HS2ST1: variants seen among roughly 807,000 people sequenced by gnomAD.
The protein encoded by HS2ST1 is 2-O-sulfotransferase.
HS2ST1 carries 18 observed loss-of-function variants against 42.9 expected under a neutral mutation model. That is an observed-to-expected ratio of 0.42 (90% confidence interval 0.29 to 0.62). HS2ST1 has a LOEUF of 0.62. HS2ST1 is among the 20% of genes least tolerant of loss of function. HS2ST1 has a pLI of 0.21. For synonymous variants in HS2ST1, 146 were observed against 152.9 expected (o/e 0.95, Z 0.33); for missense variants, 334 against 433.8 (o/e 0.77, Z 2.04).
At chr1:87,000,675 T>G in intron 1 of HS2ST1, among the ~76,000 whole-genome samples, 1 of 152,224 alleles carries the variant, frequency 6.6e-6, no homozygotes, top group East Asian at 1.9e-4. Context: ...CTTGTAAGAC[T>G]TTGCCCAGTT....
At chr1:86,917,404 A>G (rs1254274732) in intron 1 of HS2ST1, among the ~76,000 whole-genome samples, 2 of 152,050 alleles carry the variant, frequency 1.3e-5, no homozygotes, top group African/African-American at 4.8e-5. Flanking sequence ...CTGTAATCCC[A>G]CCTACTCAGG....
chr1:87,013,132 T>G (rs1460782077), intron 1 of HS2ST1, among the ~76,000 whole-genome samples: 1 of 152,194 alleles, frequency 6.6e-6, no homozygotes, highest in African/African-American at 2.4e-5. Context: ...ACAGCTCCAG[T>G]AGGTAGTTCC....
At chr1:86,990,591 C>T (rs1307121353) in intron 1 of HS2ST1, among the ~76,000 whole-genome samples, 7 of 151,512 alleles carry the variant, frequency 4.6e-5, no homozygotes, top group Non-Finnish European at 1.0e-4. Context: ...TTGACCCAGT[C>T]AGATATTTAA....
At chr1:87,081,538 T>C (rs1452010353) in intron 2 of HS2ST1, among the ~76,000 whole-genome samples, 1 of 152,146 alleles carries the variant, frequency 6.6e-6, no homozygotes, top group Non-Finnish European at 1.5e-5. Flanking sequence ...CAGCAAAATC[T>C]GTGCTAACAG....
intron 2 of HS2ST1, among the ~76,000 whole-genome samples, chr1:87,076,941 G>A (rs531249156): frequency 3.9e-5 from 6 of 152,182 alleles, no homozygotes; most frequent in Admixed American, 6.5e-5. Flanking sequence ...GGTTATCTGC[G>A]TTAGAGCCCA....
intron 1 of HS2ST1, among the ~76,000 whole-genome samples, chr1:86,978,552 C>T (rs546702226): frequency 6.6e-6 from 1 of 152,096 alleles, no homozygotes; most frequent in East Asian, 1.9e-4. Context: ...AAATTAGACT[C>T]TCTGTATTTG....
rs536296009 is a variant in HS2ST1, at chr1:87,100,214, T to C, written c.686+2279T>C. Among the ~76,000 whole-genome samples the C allele has an allele frequency of 1.2e-3, 182 of 152,296 alleles. 1 individual carries two copies. Among genetic ancestry groups the C allele is most frequent in the African/African-American group, 4.1e-3 (171 of 41,570 alleles). The stretch of plus-strand genomic sequence containing the variant: ...ACCCAGTTCTGAAATCTAGGTGGAA[T>C]CTGCAATCTAGGTGGAATGCAAGCT... On this transcript the variant is annotated intron_variant, in intron 5 of 6. Transcript: ENST00000370550.
chr1:87,034,505 C>G (rs750935883), intron 1 of HS2ST1, among the ~76,000 whole-genome samples: 4 of 152,054 alleles, frequency 2.6e-5, no homozygotes, highest in Non-Finnish European at 5.9e-5. Context: ...TAAAATTACC[C>G]TTGTTTTGTA....
chr1:86,925,961 G>A (rs542446354), intron 1 of HS2ST1, among the ~76,000 whole-genome samples: 16 of 152,196 alleles, frequency 1.1e-4, no homozygotes, highest in African/African-American at 3.6e-4. Context: ...ACCTTGCTAG[G>A]TCCTGGATAT....
rs56155347 is a variant in HS2ST1 at position 86,990,838 on chromosome 1, T to TA, written c.124+75678_124+75679insA. Among the ~76,000 whole-genome samples the TA allele has an allele frequency of 4.2e-3, 117 of 28,156 alleles. 1 individual carries two copies. The highest frequency in any genetic ancestry group is 5.3e-3 in the African/African-American group (36 of 6,736). 18.5% of individuals were successfully genotyped at this position (28,156 alleles called of 152,430 possible). A position where few individuals can be genotyped will look rare whatever the true frequency, so the allele number is the denominator to read the frequency against. On this transcript the variant is annotated intron_variant, in intron 1 of 6. Transcript: ENST00000370550. ...TATATATATATATATATATATATATTTTTTTTTTTTTTTTTTTTTTTAGTA... is the reference window on the plus strand; with the variant it reads ...TATATATATATATATATATATATATTATTTTTTTTTTTTTTTTTTTTTAGTA...
chr1:86,974,588 T>C (rs6693213), intron 1 of HS2ST1, among the ~76,000 whole-genome samples: 141,875 of 152,232 alleles, frequency 0.93, 66,168 homozygotes, highest in East Asian at 0.99. Flanking sequence ...CTGAGGACCC[T>C]TACTTGGAAC....
At chr1:86,919,871 C>T (rs1372877596) in intron 1 of HS2ST1, among the ~76,000 whole-genome samples, 2 of 152,074 alleles carry the variant, frequency 1.3e-5, no homozygotes, top group Admixed American at 1.3e-4. Flanking sequence ...GTTAATACTT[C>T]ATTGTATTAA....
At chr1:87,037,019 A>C (rs1255712473) in intron 1 of HS2ST1, among the ~76,000 whole-genome samples, 25 of 152,080 alleles carry the variant, frequency 1.6e-4, no homozygotes, top group Admixed American at 1.6e-3. Context: ...ATAAAGTGCT[A>C]GGGTTCTTTT....
intron 3 of HS2ST1, among the ~76,000 whole-genome samples, chr1:87,088,540 G>A (rs575347638): frequency 1.3e-5 from 2 of 152,012 alleles, no homozygotes; most frequent in Admixed American, 1.3e-4. Context: ...TACAGGTTTT[G>A]TGCGGACTTA....
At chr1:86,943,997 C>T (rs1474056885) in intron 1 of HS2ST1, among the ~76,000 whole-genome samples, 1 of 151,584 alleles carries the variant, frequency 6.6e-6, no homozygotes, top group Admixed American at 6.6e-5. Flanking sequence ...ATTGCACTCT[C>T]CCTGGGTAAC....
At chr1:87,080,720 C>G (rs1251440816) in intron 2 of HS2ST1, among the ~76,000 whole-genome samples, 1 of 152,156 alleles carries the variant, frequency 6.6e-6, no homozygotes, top group African/African-American at 2.4e-5. Context: ...CTCCATTCCC[C>G]CTGGTAGCTG....
intron 1 of HS2ST1, among the ~76,000 whole-genome samples, chr1:86,981,063 A>AG (rs1648576134): frequency 6.6e-6 from 1 of 152,098 alleles, no homozygotes; most frequent in Non-Finnish European, 1.5e-5. Flanking sequence ...GGCGAAGGGG[A>AG]GGAAAGCAAG....
In HS2ST1 at chr1:86,985,383, T is replaced by TAC. The variant is rs1318154258; in HGVS notation, c.124+70239_124+70240dup. On this transcript the variant is annotated intron_variant, in intron 1 of 6. Transcript: ENST00000370550. ...AAAAAAAAAAGTATATATATATATA[T>TAC]ACACACACACACACACATATATATA... 4.4e-3 allele frequency among the ~76,000 whole-genome samples: 196 copies of TAC among 44,764 alleles called. 52 individuals carry two copies. Among genetic ancestry groups the TAC allele is most frequent in the Admixed American group, 0.043 (112 of 2,596 alleles). The allele number at this position is 44,764 out of a possible 152,430, so 29.4% of individuals were successfully genotyped here. A position where few individuals can be genotyped will look rare whatever the true frequency, so the allele number is the denominator to read the frequency against.
At chr1:87,045,531 T>C in intron 1 of HS2ST1, 1 of 827,928 alleles carries the variant, frequency 1.2e-6, no homozygotes, top group Non-Finnish European at 2.2e-6. Flanking sequence ...TATGTAACAA[T>C]TGGGGTTGGG....
Sources: gnomAD v4.1 joint callset for allele counts (sites outside exome capture counted in the v4.1 genomes callset) on GRCh38, gnomAD v4.1.1 for gene constraint, MANE v1.5 for transcripts, NCBI Gene and HGNC (gene_info 2026-07-23, HGNC 2026-07-21) for gene names.